The following KIF26B variants were observed in gnomAD, a reference collection of about 807,000 sequenced individuals.
KIF26B encodes kinesin-like protein KIF26B.
In KIF26B, 63 loss-of-function variants were observed where a neutral mutation model predicts 151.2. That is an observed-to-expected ratio of 0.42 (90% CI 0.34 to 0.51). KIF26B has a LOEUF of 0.51. Ranked by LOEUF, KIF26B falls within the 20% of genes least tolerant of loss-of-function variation. The pLI is 0.07. For missense variants in KIF26B, 2,813 were observed against 2,913.6 expected, an observed-to-expected ratio of 0.97 and a Z score of 0.79; for synonymous variants, 1,357 against 1,262.1, an observed-to-expected ratio of 1.08 and a Z score of -1.59.
At chr1:245,492,112 G>C (rs534165587) in intron 4 of KIF26B, among the ~76,000 whole-genome samples, 2 of 152,288 alleles carry the variant, frequency 1.3e-5, no homozygotes, top group South Asian at 4.1e-4. Context: ...GGCCCTTCCT[G>C]ATGTCTGCTT....
chr1:245,187,248 A>G (rs1669015867), intron 2 of KIF26B, among the ~76,000 whole-genome samples: 1 of 152,236 alleles, frequency 6.6e-6, no homozygotes, highest in African/African-American at 2.4e-5. Context: ...AAGTGGAACA[A>G]GTCAGACACA....
intron 9 of KIF26B, among the ~76,000 whole-genome samples, chr1:245,625,340 G>A (rs528081936): frequency 6.6e-6 from 1 of 152,270 alleles, no homozygotes; most frequent in East Asian, 1.9e-4. Context: ...TTCTGATTGG[G>A]ATTGCATTGA....
At chr1:245,265,816 C>G (rs1164971257) in intron 2 of KIF26B, among the ~76,000 whole-genome samples, 1 of 152,062 alleles carries the variant, frequency 6.6e-6, no homozygotes, top group African/African-American at 2.4e-5. Flanking sequence ...CCATGTTGCT[C>G]AAGCTGGTTT....
chr1:245,312,503 T>C (rs1364779943), intron 2 of KIF26B, among the ~76,000 whole-genome samples: 1 of 152,112 alleles, frequency 6.6e-6, no homozygotes, highest in Non-Finnish European at 1.5e-5. Flanking sequence ...TCATTCCTTT[T>C]CTTCTCCCCT....
chr1:245,609,357 C>A lies in KIF26B; in HGVS notation c.1743C>A (p.Asn581Lys). The A allele has an allele frequency of 3.1e-6, 5 of 1,610,874 alleles. No homozygotes were observed. The highest frequency in any genetic ancestry group is 4.2e-6 in the Non-Finnish European group (5 of 1,178,674). ...TCTCTTGGCTCTTCAAGCTCATAAA[C>A]GAACGCAAGGAAAAGACCGGCGCCC... ...CAISWLFKLI[N>K]ERKEKTGARF... The change falls in exon 8 of 15, where the codon AAC (asparagine) becomes AAA (lysine). Residue 581 changes from asparagine to lysine, a missense_variant. Coordinates refer to ENST00000407071, the MANE Select transcript of KIF26B (RefSeq NM_018012.4).
At chr1:245,581,453 G>A (rs1025706890) in intron 5 of KIF26B, among the ~76,000 whole-genome samples, 1 of 149,608 alleles carries the variant, frequency 6.7e-6, no homozygotes, top group African/African-American at 2.4e-5. Context: ...TAGATAGATA[G>A]AGAAAGAAGC....
intron 3 of KIF26B, among the ~76,000 whole-genome samples, chr1:245,396,976 T>G (rs1305907296): frequency 6.6e-6 from 1 of 152,132 alleles, no homozygotes; most frequent in African/African-American, 2.4e-5. Flanking sequence ...TTTTTTTTTT[T>G]TGGAAAGGGT....
chr1:245,540,790 C>A lies in KIF26B; in HGVS notation c.1190C>A (p.Ser397Tyr), dbSNP rs372632341. 3 of 1,613,852 alleles carry A rather than the reference C, an allele frequency of 1.9e-6. No homozygotes were observed. In the African/African-American group the frequency reaches 4.0e-5, roughly 22 times the overall value. ...AGAGCTGCCCAGAAGTTAAATCTGT[C>A]TTCTAAAAAGAAGAAACATCGGCCT... ...FARAAQKLNL[S>Y]SKKKKHRPST... The change falls in exon 5 of 15, where the codon TCT (serine) becomes TAT (tyrosine). Residue 397 changes from serine to tyrosine, a missense_variant. Physicochemically the swap from Ser to Tyr is moderately radical, Grantham distance 144. Transcript: ENST00000407071. This position sits in a 1 kb window ranked among gnomAD's most constrained non-coding sequence, Gnocchi z 4.6.
Position 245,650,216 on chromosome 1 carries a change from A to G in KIF26B, c.2258+3936A>G, listed in dbSNP as rs111666590. 2.8e-3 allele frequency among the ~76,000 whole-genome samples: 433 copies of G among 152,394 alleles called. 2 individuals are homozygous for G. The highest frequency in any genetic ancestry group is 1.0e-2 in the African/African-American group (414 of 41,594). On this transcript the variant is annotated intron_variant, in intron 10 of 14. Coordinates refer to ENST00000407071, the MANE Select transcript of KIF26B (RefSeq NM_018012.4). The stretch of plus-strand genomic sequence containing the variant: ...TCCACCTCCAGGGAACCCTGCCCTC[A>G]TTCGATCATTTTGACAGTGCATTTG...
At chr1:245,320,124 G>A (rs1671859988) in intron 2 of KIF26B, among the ~76,000 whole-genome samples, 1 of 152,148 alleles carries the variant, frequency 6.6e-6, no homozygotes, top group South Asian at 2.1e-4. Flanking sequence ...AGAGACTGGA[G>A]GTTCAGAGCA....
intron 5 of KIF26B, among the ~76,000 whole-genome samples, chr1:245,561,149 C>A (rs998782699): frequency 2.0e-5 from 3 of 152,218 alleles, no homozygotes; most frequent in African/African-American, 7.2e-5. Context: ...ATTAGACAGA[C>A]AGGAGGCAGT....
chr1:245,395,077 T>C (rs928484154), intron 3 of KIF26B, among the ~76,000 whole-genome samples: 1 of 151,614 alleles, frequency 6.6e-6, no homozygotes, highest in African/African-American at 2.4e-5. Context: ...CATTGTTTTG[T>C]TTCTTCATTC....
intron 4 of KIF26B, among the ~76,000 whole-genome samples, chr1:245,427,715 A>G: frequency 6.6e-6 from 1 of 151,900 alleles, no homozygotes; most frequent in East Asian, 1.9e-4. Context: ...ACTGAAGCAT[A>G]TTTTGCTTAC....
At chr1:245,156,794 G>GC (rs1055480026) in intron 2 of KIF26B, 111 bp downstream of exon 2, 5 of 606,588 alleles carry the variant, frequency 8.2e-6, no homozygotes, top group African/African-American at 7.8e-5. Flanking sequence ...CCACGCGAGA[G>GC]CCCCCGGCGG....
At chr1:245,435,130 C>CCCATCCATCCATCCAT (rs34535359) in intron 4 of KIF26B, among the ~76,000 whole-genome samples, 2 of 145,108 alleles carry the variant, frequency 1.4e-5, no homozygotes, top group African/African-American at 5.2e-5. Context: ...TCTCCATCTA[C>CCCATCCATCCATCCAT]CCATCCATCC....
intron 4 of KIF26B, among the ~76,000 whole-genome samples, chr1:245,491,895 A>G (rs1660415793): frequency 6.6e-6 from 1 of 151,906 alleles, no homozygotes; most frequent in Non-Finnish European, 1.5e-5. Context: ...GCAACAGAGC[A>G]GATAATCTCA....
At chr1:245,559,679 TG>T (rs1249796104) in intron 5 of KIF26B, among the ~76,000 whole-genome samples, 3 of 152,204 alleles carry the variant, frequency 2.0e-5, no homozygotes, top group Non-Finnish European at 4.4e-5. Flanking sequence ...TCCAAAGTGC[TG>T]GGACTACAGG....
chr1:245,687,944 T>C lies in KIF26B; in HGVS notation c.4961T>C (p.Leu1654Pro). 1 of 1,593,568 alleles carries C rather than the reference T, an allele frequency of 6.3e-7. No individual in the cohort carries two copies. The highest frequency in any genetic ancestry group is 8.5e-7 in the Non-Finnish European group (1 of 1,171,868). Residue 1654 changes from leucine to proline, a missense_variant, in exon 12 of 15, where the codon CTC (leucine) becomes CCC (proline). Physicochemically the swap from Leu to Pro is moderately conservative, Grantham distance 98. Transcript: ENST00000407071. The surrounding 1 kb of genome is among the most constrained non-coding windows in gnomAD (Gnocchi z 4.9). Reference sequence around the variant, plus strand: ...AAGGACGCCAGCAGCAGCAGCAAGCTCTTCAGTGCCAAGCTGGAGCAGCTG... The same window carrying C: ...AAGGACGCCAGCAGCAGCAGCAAGCCCTTCAGTGCCAAGCTGGAGCAGCTG... ...KTKDASSSSK[L>P]FSAKLEQLAS...
chr1:245,396,977 T>G (rs1673861108), intron 3 of KIF26B, among the ~76,000 whole-genome samples: 1 of 151,618 alleles, frequency 6.6e-6, no homozygotes, highest in Admixed American at 6.6e-5. Context: ...TTTTTTTTTT[T>G]GGAAAGGGTT....
Sources: gnomAD v4.1 joint callset for allele counts (sites outside exome capture counted in the v4.1 genomes callset) on GRCh38, gnomAD v4.1.1 for gene constraint, Gnocchi (gnomAD v3.1) non-coding constraint, MANE v1.5 for transcripts, NCBI Gene and HGNC (gene_info 2026-07-23, HGNC 2026-07-21) for gene names.